XRCC5: variants seen among roughly 807,000 people sequenced by gnomAD.
XRCC5 encodes the protein X-ray repair cross complementing 5.
A neutral mutation model predicts 95.7 loss-of-function variants in XRCC5; 12 were observed. The ratio of observed to expected loss-of-function variants is 0.13; its 90% confidence interval spans 0.08 to 0.20. The LOEUF (loss-of-function observed/expected upper bound fraction) is 0.20, where lower values mean the gene tolerates loss of function less well. XRCC5 is among the 10% of genes least tolerant of loss of function. The pLI is 1.00. For missense variants in XRCC5, 595 were observed against 873.9 expected, an observed-to-expected ratio of 0.68 and a Z score of 4.02; for synonymous variants, 281 against 290.3, an observed-to-expected ratio of 0.97 and a Z score of 0.33.
chr2:216,196,303 A>G (rs1289165334), intron 19 of XRCC5, among the ~76,000 whole-genome samples: 2 of 151,984 alleles, frequency 1.3e-5, no homozygotes, highest in African/African-American at 4.8e-5. Context: ...TGGTGATTAT[A>G]TCTCAGAAGG....
At position 216,187,300 on chromosome 2, in the gene XRCC5, A is replaced by ATTT. The variant is rs202191623; in HGVS notation, c.1835-2916_1835-2914dup. On this transcript the variant is annotated intron_variant, in intron 16 of 20. Transcript: ENST00000392132. The stretch of plus-strand genomic sequence containing the variant: ...AGGCCCACAGATACATTAGGACTTC[A>ATTT]TTTTTTTTTTTACAAAGAAACTGGG... Among the ~76,000 whole-genome samples the ATTT allele has an allele frequency of 1.9e-3, 278 of 148,880 alleles. 2 individuals carry two copies. Among genetic ancestry groups the ATTT allele is most frequent in the African/African-American group, 4.7e-3 (193 of 40,916 alleles).
chr2:216,147,300 C>A (rs1221147606), intron 13 of XRCC5, among the ~76,000 whole-genome samples: 3 of 152,102 alleles, frequency 2.0e-5, no homozygotes, highest in Non-Finnish European at 2.9e-5. Flanking sequence ...GGAGCCCAGC[C>A]TATTGGGGTT....
chr2:216,176,254 G>A (rs371223617), intron 16 of XRCC5, among the ~76,000 whole-genome samples: 25 of 152,230 alleles, frequency 1.6e-4, no homozygotes, highest in African/African-American at 6.0e-4. Flanking sequence ...AAGCAGCTGG[G>A]ATGACAGGCG....
chr2:216,137,279 CAGT>C, intron 11 of XRCC5, 54 bp downstream of exon 11: 1 of 1,551,018 alleles, frequency 6.4e-7, no homozygotes, highest in Non-Finnish European at 8.7e-7. Context: ...TTATTCTAAG[CAGT>C]GTTTCTCAGC....
intron 14 of XRCC5, among the ~76,000 whole-genome samples, chr2:216,150,944 A>C (rs1471435559): frequency 6.6e-6 from 1 of 152,208 alleles, no homozygotes; most frequent in Non-Finnish European, 1.5e-5. Context: ...ATGTCATGAC[A>C]GCCCTGATGT....
chr2:216,178,226 G>A (rs1260137312), intron 16 of XRCC5, among the ~76,000 whole-genome samples: 2 of 152,198 alleles, frequency 1.3e-5, no homozygotes, highest in Admixed American at 6.5e-5. Context: ...GTTTCGAGAT[G>A]ATTTACTTGC....
At chr2:216,204,050 A>G in intron 19 of XRCC5, 2 of 447,304 alleles carry the variant, frequency 4.5e-6, no homozygotes, top group Non-Finnish European at 4.2e-6. Context: ...GACACTACAC[A>G]CTGTCTCGAC....
intron 1 of XRCC5, among the ~76,000 whole-genome samples, chr2:216,112,749 G>A (rs41296926): frequency 2.0e-5 from 3 of 152,202 alleles, no homozygotes; most frequent in Admixed American, 2.0e-4. Context: ...TTATTCTGGG[G>A]CTTAGGCCAA....
At chr2:216,162,104 A>C in intron 16 of XRCC5, 56 bp downstream of exon 16, 1 of 1,480,000 alleles carries the variant, frequency 6.8e-7, no homozygotes, top group Non-Finnish European at 9.5e-7. Context: ...AACTAATTTA[A>C]AGTCTAGATT....
intron 18 of XRCC5, among the ~76,000 whole-genome samples, chr2:216,193,738 A>AT (rs1419167383): frequency 1.3e-5 from 2 of 152,242 alleles, no homozygotes; most frequent in Non-Finnish European, 2.9e-5. Context: ...TACAGGTCAT[A>AT]TGCAAAATCC....
At chr2:216,195,089 T>C in intron 19 of XRCC5, 103 bp downstream of exon 19, 2 of 1,046,880 alleles carry the variant, frequency 1.9e-6, no homozygotes, top group Non-Finnish European at 2.9e-6. Flanking sequence ...TAAATTAGTG[T>C]ACTCATTTTG....
chr2:216,116,718 C>T lies in XRCC5; in HGVS notation c.195C>T (p.Asp65=). The change falls in exon 3 of 21, where the codon GAC becomes GAT. Residue 65 remains aspartate, a synonymous_variant. Transcript: ENST00000392132. ...TCCTGTTTGGTACAGATGGCACTGA[C>T]AATCCCCTTTCTGGTGGGGATCAGT... is the stretch of plus-strand genomic sequence containing the variant. ...ALVLFGTDGT[D]NPLSGGDQYQ... The T allele has an allele frequency of 6.2e-7, 1 of 1,614,210 alleles. No homozygotes were observed. Among genetic ancestry groups the T allele is most frequent in the Non-Finnish European group, 8.5e-7 (1 of 1,180,028 alleles).
At chr2:216,126,176 T>G (rs185183639) in intron 7 of XRCC5, 145 bp downstream of exon 7, 2 of 658,974 alleles carry the variant, frequency 3.0e-6, no homozygotes, top group Non-Finnish European at 5.0e-6. Context: ...TAATCTCTGT[T>G]TAGCTTTTTG....
Position 216,160,071 on chromosome 2 carries a change from T to A in XRCC5, c.1674T>A (p.His558Gln), listed in dbSNP as rs1688922720. The A allele has an allele frequency of 1.3e-6, 2 of 1,581,342 alleles. No individual in the cohort carries two copies. The highest frequency in any genetic ancestry group is 1.4e-5 in the African/African-American group (1 of 73,178). ...VTAQEIFQDN[H>Q]EDGPTAKKLK... is the part of the protein sequence containing the mutation. ...AAATTTTTTTTTTCTTTTCTAGCCA[T>A]GAAGATGGACCTACAGCTAAAAAAT... The change falls in exon 15 of 21, where the codon CAT becomes CAA. Residue 558 changes from histidine to glutamine, a missense_variant. Coordinates refer to ENST00000392132, the MANE Select transcript of XRCC5 (RefSeq NM_021141.4).
intron 1 of XRCC5, 69 bp from the exon 2 acceptor site, chr2:216,112,946 GC>G: frequency 8.3e-7 from 1 of 1,202,968 alleles, no homozygotes; most frequent in East Asian, 2.3e-5. Context: ...AATACAATAA[GC>G]AAGGGACATT....
rs374554291 is a variant in XRCC5, at chr2:216,122,296, C to T, written c.683+43C>T. On this transcript the variant is annotated intron_variant, in intron 6 of 20. Coordinates refer to ENST00000392132, the MANE Select transcript of XRCC5 (RefSeq NM_021141.4). ...TGATGGGAATTTTTAATTGTACCCA[C>T]GTAAATTTCTCTTTTGATTAGAGGT... The T allele has an allele frequency of 1.6e-4, 248 of 1,547,328 alleles. 3 individuals carry two copies. The highest frequency in any genetic ancestry group is 1.6e-3 in the South Asian group (136 of 85,298).
rs1358229464 is a variant in XRCC5, at chr2:216,125,979, G to A, written c.746G>A (p.Cys249Tyr). 2.5e-6 allele frequency: 4 copies of A among 1,613,900 alleles called. No homozygotes were observed. Among genetic ancestry groups the A allele is most frequent in the Admixed American group, 1.7e-5 (1 of 59,998 alleles). The change falls in exon 7 of 21, where the codon TGC becomes TAC. Residue 249 changes from cysteine to tyrosine, a missense_variant. Transcript: ENST00000392132. The part of the protein sequence containing the change: ...KIERHSIHWP[C>Y]RLTIGSNLSI... ...GAGAGGCATTCCATTCACTGGCCCT[G>A]CCGACTGACCATTGGCTCCAATTTG...
At chr2:216,174,289 C>G (rs1689228810) in intron 16 of XRCC5, among the ~76,000 whole-genome samples, 1 of 152,176 alleles carries the variant, frequency 6.6e-6, no homozygotes, top group South Asian at 2.1e-4. Flanking sequence ...ACAAATATCT[C>G]TTCTCTTCAC....
chr2:216,155,236 C>CAAAAAAAA (rs10674711), intron 14 of XRCC5, among the ~76,000 whole-genome samples: 12 of 80,272 alleles, frequency 1.5e-4, no homozygotes, highest in East Asian at 4.4e-4. Flanking sequence ...ACTCCCATCT[C>CAAAAAAAA]AAAAAAAAAA....
Sources: allele counts gnomAD v4.1 joint callset (sites outside exome capture counted in the v4.1 genomes callset), GRCh38; gene constraint gnomAD v4.1.1; transcripts MANE v1.5; gene names NCBI Gene and HGNC (gene_info 2026-07-23, HGNC 2026-07-21).